ADAMDEC1: variants seen among roughly 807,000 people sequenced by gnomAD.
ADAMDEC1 encodes ADAM DEC1.
In ADAMDEC1, 62 loss-of-function variants were observed where a neutral mutation model predicts 60.4. The ratio of observed to expected loss-of-function variants is 1.03; its 90% CI spans 0.84 to 1.27. The LOEUF is 1.27. ADAMDEC1 is among the 50% of genes most tolerant of loss of function. The pLI, the probability that ADAMDEC1 is intolerant of heterozygous loss-of-function variation, is 0.00. For missense variants in ADAMDEC1, 595 were observed against 565.0 expected (o/e 1.05, Z -0.54); for synonymous variants, 210 against 195.1 (o/e 1.08, Z -0.64).
At chr8:24,404,653 T>C (rs1303948680) in intron 13 of ADAMDEC1, among the ~76,000 whole-genome samples, 1 of 152,062 alleles carries the variant, frequency 6.6e-6, no homozygotes, top group Non-Finnish European at 1.5e-5. Flanking sequence ...AAATAACCTC[T>C]AAATATAAAA....
Position 24,405,411 on chromosome 8 carries a change from C to T in ADAMDEC1, c.*113C>T. Reference sequence around the variant, plus strand: ...CCATAATGGTCTTTCACTTGTCATTCTACTTTCTATATTGTTATCAGTCCA... The same window carrying T: ...CCATAATGGTCTTTCACTTGTCATTTTACTTTCTATATTGTTATCAGTCCA... On this transcript the variant is annotated 3_prime_UTR_variant, in exon 14 of 14. Transcript: ENST00000256412. 3 of 1,233,878 alleles carry T rather than the reference C, an allele frequency of 2.4e-6. No individual in the cohort carries two copies. The highest frequency in any genetic ancestry group is 3.5e-6 in the Non-Finnish European group (3 of 856,612). 76.4% of individuals were successfully genotyped at this position (1,233,878 alleles called of 1,614,324 possible).
chr8:24,387,777 G>A (rs1007184930), intron 1 of ADAMDEC1: 1 of 152,114 alleles, frequency 6.6e-6, no homozygotes, highest in African/African-American at 2.4e-5. Context: ...TTTCATTCTC[G>A]AGGGTTTTGT....
Position 24,397,352 on chromosome 8 carries a change from T to C in ADAMDEC1, c.523T>C (p.Ser175Pro), listed in dbSNP as rs1171944894. 3.1e-6 allele frequency: 5 copies of C among 1,613,992 alleles called. No individual in the cohort carries two copies. In the South Asian group the frequency reaches 4.4e-5, roughly 14 times the overall value. Residue 175 changes from serine to proline, a missense_variant, in exon 6 of 14, where the codon TCT (serine) becomes CCT (proline). Ser to Pro is a moderately conservative substitution (Grantham distance 74). Transcript: ENST00000256412. ...CGAGAAAGAACATGCCGTCTTTACATCTAACCAGGAGGAACAAGACCCAGC... is the reference window on the plus strand; with the variant it reads ...CGAGAAAGAACATGCCGTCTTTACACCTAACCAGGAGGAACAAGACCCAGC... Reference protein sequence around the residue: ...TDEKEHAVFTSNQEEQDPANH... With the variant: ...TDEKEHAVFTPNQEEQDPANH...
intron 12 of ADAMDEC1, among the ~76,000 whole-genome samples, chr8:24,403,750 C>T (rs1388068609): frequency 6.6e-6 from 1 of 152,062 alleles, no homozygotes; most frequent in Admixed American, 6.6e-5. Flanking sequence ...ACACATCATA[C>T]ATCTAGACAA....
chr8:24,392,189 GA>G, intron 1 of ADAMDEC1, 72 bp from the exon 2 acceptor site: 10 of 1,156,788 alleles, frequency 8.6e-6, no homozygotes, highest in Non-Finnish European at 1.2e-5. Context: ...CCCAAGAAAT[GA>G]AAACAAAACA....
Position 24,398,900 on chromosome 8 carries a change from G to A in ADAMDEC1, c.789G>A (p.Val263=), listed in dbSNP as rs1383538802. The change falls in exon 9 of 14, where the codon GTG becomes GTA. Residue 263 remains valine, a synonymous_variant. Transcript: ENST00000256412. The stretch of plus-strand genomic sequence containing the variant: ...TATATAACACCATAGATGTTCAAGT[G>A]GCCTTGGTAGGTATGGAAATCTGGT... ...NVIYNTIDVQ[V]ALVGMEIWSD... 3.1e-6 allele frequency: 5 copies of A among 1,613,674 alleles called. No individual in the cohort carries two copies. The highest frequency in any genetic ancestry group is 4.2e-6 in the Non-Finnish European group (5 of 1,179,870).
intron 1 of ADAMDEC1, among the ~76,000 whole-genome samples, chr8:24,388,758 T>C (rs1817361344): frequency 6.6e-6 from 1 of 152,154 alleles, no homozygotes; most frequent in African/African-American, 2.4e-5. Flanking sequence ...TTCCAACAAA[T>C]CCACTTAGAT....
chr8:24,397,568 T>C (rs1817648288), intron 6 of ADAMDEC1, 112 bp downstream of exon 6: 2 of 1,460,030 alleles, frequency 1.4e-6, no homozygotes, highest in Non-Finnish European at 1.9e-6. Flanking sequence ...GCCTATAATT[T>C]ATTTACTTAT....
At chr8:24,385,428 A>C (rs182402104) in intron 1 of ADAMDEC1, among the ~76,000 whole-genome samples, 100 of 152,302 alleles carry the variant, frequency 6.6e-4, no homozygotes, top group South Asian at 4.8e-3. Flanking sequence ...AAAGAAGGAT[A>C]AAATGGAGTA....
chr8:24,400,301 G>T lies in ADAMDEC1; in HGVS notation c.1142+1G>T, dbSNP rs1179534083. ...GTTGTGTGATGAATCAGTATCTGAG[G>T]TGAGACCTTGTCATCCTAAAAGGAG... is the stretch of plus-strand genomic sequence containing the variant. On this transcript the variant is annotated splice_donor_variant, in intron 11 of 13. Transcript: ENST00000256412. LOFTEE classifies it high-confidence loss of function. 6.3e-7 allele frequency: 1 copy of T among 1,591,540 alleles called. No homozygotes were observed. The highest frequency in any genetic ancestry group is 8.5e-7 in the Non-Finnish European group (1 of 1,172,842).
Position 24,400,282 on chromosome 8 carries a change from T to C in ADAMDEC1, c.1124T>C (p.Val375Ala). The C allele has an allele frequency of 6.2e-7, 1 of 1,609,722 alleles. No homozygotes were observed. Among genetic ancestry groups the C allele is most frequent in the South Asian group, 1.1e-5 (1 of 90,074 alleles). The change falls in exon 11 of 14, where the codon GTG (valine) becomes GCG (alanine). Residue 375 changes from valine to alanine, a missense_variant. Coordinates refer to ENST00000256412, the MANE Select transcript of ADAMDEC1 (RefSeq NM_014479.3). ...FNTKCPSGSC[V>A]MNQYLSSKFP... is the part of the protein sequence containing the mutation. ...ACCAAGTGTCCCTCTGGCAGTTGTG[T>C]GATGAATCAGTATCTGAGGTGAGAC...
At chr8:24,393,461 G>T in intron 3 of ADAMDEC1, 123 bp downstream of exon 3, 2 of 567,652 alleles carry the variant, frequency 3.5e-6, no homozygotes, top group South Asian at 3.5e-5. Flanking sequence ...AGCTTTAGAT[G>T]ATACTAGTTT....
chr8:24,395,722 A>G lies in ADAMDEC1; in HGVS notation c.366A>G (p.Glu122=). The change falls in exon 5 of 14, where the codon GAA becomes GAG. Residue 122 remains glutamate (E), a splice_region_variant and synonymous_variant. Coordinates refer to ENST00000256412, the MANE Select transcript of ADAMDEC1 (RefSeq NM_014479.3). ...ATAATTTCTTTTTTCCACTCCAGGA[A>G]CACTGTTACTATAAAGGAAACATCC... ...EEITTKPENM[E]HCYYKGNILN... is the part of the protein sequence containing the mutation. 1 of 1,611,818 alleles carries G rather than the reference A, an allele frequency of 6.2e-7. No individual in the cohort carries two copies. The highest frequency in any genetic ancestry group is 1.1e-5 in the South Asian group (1 of 90,908).
intron 13 of ADAMDEC1, 85 bp downstream of exon 13, chr8:24,404,173 T>C: frequency 1.7e-6 from 2 of 1,172,628 alleles, no homozygotes; most frequent in Non-Finnish European, 2.5e-6. Context: ...GGTTCCATAA[T>C]ACACTAAAAC....
intron 5 of ADAMDEC1, among the ~76,000 whole-genome samples, chr8:24,396,134 A>G (rs1817604082): frequency 6.6e-6 from 1 of 152,312 alleles, no homozygotes; most frequent in Admixed American, 6.5e-5. Context: ...GTTGAACTTA[A>G]TTTTAGAATT....
In ADAMDEC1 at chr8:24,400,276, G is replaced by A. The variant is rs756269376; in HGVS notation, c.1118G>A (p.Ser373Asn). 8 of 1,610,568 alleles carry A rather than the reference G, an allele frequency of 5.0e-6. No homozygotes were observed. The highest frequency in any genetic ancestry group is 1.7e-5 in the Admixed American group (1 of 59,616). ...TTCAACACCAAGTGTCCCTCTGGCA[G>A]TTGTGTGATGAATCAGTATCTGAGG... ...VPFNTKCPSGSCVMNQYLSSK... is the reference protein window; with the variant it reads ...VPFNTKCPSGNCVMNQYLSSK... Residue 373 changes from serine (S) to asparagine (N), a missense_variant, in exon 11 of 14, where the codon AGT becomes AAT. Ser to Asn is a conservative substitution (Grantham distance 46). Coordinates refer to ENST00000256412, the MANE Select transcript of ADAMDEC1 (RefSeq NM_014479.3).
intron 5 of ADAMDEC1, 125 bp downstream of exon 5, chr8:24,395,921 T>A: frequency 1.5e-6 from 1 of 685,878 alleles, no homozygotes; most frequent in Non-Finnish European, 2.5e-6. Context: ...TGAATATATG[T>A]GGTTAAAGTG....
At chr8:24,403,909 A>G (rs1274797876) in intron 12 of ADAMDEC1, 94 bp from the exon 13 acceptor site, 2 of 954,330 alleles carry the variant, frequency 2.1e-6, no homozygotes, top group Non-Finnish European at 3.2e-6. Context: ...TAAAAAGTAA[A>G]CTTTCATTGC....
At chr8:24,390,718 TCAAAACAAAACAAAA>T (rs10544922) in intron 1 of ADAMDEC1, among the ~76,000 whole-genome samples, 16 of 150,544 alleles carry the variant, frequency 1.1e-4, no homozygotes, top group East Asian at 4.0e-4. Flanking sequence ...AGACTCTGTC[TCAAAACAAAACAAAA>T]CAAAACAAAA....
Sources: allele counts gnomAD v4.1 joint callset (sites outside exome capture counted in the v4.1 genomes callset), GRCh38; gene constraint gnomAD v4.1.1; transcripts MANE v1.5; gene names NCBI Gene and HGNC (gene_info 2026-07-23, HGNC 2026-07-21).